Variants in CNTD1 observed in about 807,000 individuals in gnomAD.
The protein encoded by CNTD1 is cyclin N-terminal domain containing 1, also known as cyclin N-terminal domain-containing protein 1.
CNTD1 carries 17 observed loss-of-function variants against 36.3 expected under a neutral mutation model. The observed-to-expected ratio is 0.47, with a 90% CI of 0.32 to 0.70. CNTD1 has a LOEUF of 0.70. CNTD1 is among the 30% of genes least tolerant of loss of function. The pLI is 0.03. For missense variants in CNTD1, 338 were observed against 386.1 expected, an observed-to-expected ratio of 0.88 and a Z score of 1.04; for synonymous variants, 128 against 153.3, an observed-to-expected ratio of 0.83 and a Z score of 1.22.
chr17:42,808,552 TTAAAAAAAAAAA>T (rs2054921754), intron 6 of CNTD1, among the ~76,000 whole-genome samples: 1 of 128,232 alleles, frequency 7.8e-6, no homozygotes, highest in Non-Finnish European at 1.6e-5. Flanking sequence ...CCCCATCTCA[TTAAAAAAAAAAA>T]AAAAAAAAAA....
At chr17:42,801,284 A>T (rs575170169) in intron 1 of CNTD1, among the ~76,000 whole-genome samples, 1 of 149,118 alleles carries the variant, frequency 6.7e-6, no homozygotes, top group Non-Finnish European at 1.5e-5. Context: ...TTTGGGAAAG[A>T]TAATAATGGC....
At chr17:42,805,496 G>A in intron 3 of CNTD1, 1 of 348,806 alleles carries the variant, frequency 2.9e-6, no homozygotes. Flanking sequence ...AAGGAAGGGA[G>A]ATCCAGGTAT....
intron 2 of CNTD1, 57 bp downstream of exon 2, chr17:42,803,752 T>C: frequency 7.4e-7 from 1 of 1,345,314 alleles, no homozygotes; most frequent in Non-Finnish European, 1.1e-6. Flanking sequence ...CTAATGTACC[T>C]ACATCTTTAA....
rs2054721896 is a variant in CNTD1 at position 42,798,931 on chromosome 17, C to T, written c.-137C>T. 1.4e-6 allele frequency: 2 copies of T among 1,456,036 alleles called. No homozygotes were observed. Among genetic ancestry groups the T allele is most frequent in the African/African-American group, 2.9e-5 (2 of 69,978 alleles). 90.2% of individuals were successfully genotyped at this position (1,456,036 alleles called of 1,614,324 possible). A position where few individuals can be genotyped will look rare whatever the true frequency, so the allele number is the denominator to read the frequency against. The stretch of plus-strand genomic sequence containing the variant: ...GAGGCTGTGGTGGTAATTGGGTTTT[C>T]CTCAGACTTGAGGCGACGACACACT... On this transcript the variant is annotated 5_prime_UTR_variant, in exon 1 of 7. Transcript: ENST00000588408.
Position 42,810,553 on chromosome 17 carries a change from C to A in CNTD1, c.*1018C>A. 1 of 421,312 alleles carries A rather than the reference C, an allele frequency of 2.4e-6. No individual in the cohort carries two copies. Among genetic ancestry groups the A allele is most frequent in the African/African-American group, 2.0e-5 (1 of 48,844 alleles). The allele number at this position is 421,312 out of a possible 1,614,324, so 26.1% of individuals were successfully genotyped here. On this transcript the variant is annotated 3_prime_UTR_variant, in exon 7 of 7. Transcript: ENST00000588408. ...CATGGGGTTAAGAATCAAAACTGACCAGGGCTGGCAACTATAGATGGCATG... is the reference window on the plus strand; with the variant it reads ...CATGGGGTTAAGAATCAAAACTGACAAGGGCTGGCAACTATAGATGGCATG...
Position 42,810,828 on chromosome 17 carries a change from G to A in CNTD1, c.*1293G>A. The stretch of plus-strand genomic sequence containing the variant: ...TTAAGATTCGTCAGCATGAACTTGA[G>A]AGCTTTTGTCCACTGCTCCTCAGAG... On this transcript the variant is annotated 3_prime_UTR_variant, in exon 7 of 7. Coordinates refer to ENST00000588408, the MANE Select transcript of CNTD1 (RefSeq NM_173478.3). The A allele has an allele frequency of 6.2e-7, 1 of 1,613,518 alleles. No homozygotes were observed. Among genetic ancestry groups the A allele is most frequent in the Non-Finnish European group, 8.5e-7 (1 of 1,179,754 alleles).
rs1421536036 is a variant in CNTD1, at chr17:42,810,034, T to A, written c.*499T>A. 4 of 152,190 alleles carry A rather than the reference T, an allele frequency of 2.6e-5. No homozygotes were observed. The highest frequency in any genetic ancestry group is 7.3e-5 in the African/African-American group (3 of 41,250). The allele number at this position is 152,190 out of a possible 1,614,324, so 9.4% of individuals were successfully genotyped here. On this transcript the variant is annotated 3_prime_UTR_variant, in exon 7 of 7. Coordinates refer to ENST00000588408, the MANE Select transcript of CNTD1 (RefSeq NM_173478.3). ...AAAACTAAAACTAACTCTAAAGAAG[T>A]TTCAACAGAATTTCCACATACCTGC...
At chr17:42,799,375 G>C (rs1023413144) in intron 1 of CNTD1, 139 bp downstream of exon 1, 14 of 992,602 alleles carry the variant, frequency 1.4e-5, no homozygotes, top group Non-Finnish European at 2.0e-5. Context: ...TGGGGATATA[G>C]TGATGGATAA....
chr17:42,805,886 T>C lies in CNTD1; in HGVS notation c.580+2T>C. On this transcript the variant is annotated splice_donor_variant, in intron 4 of 6. Transcript: ENST00000588408. LOFTEE classifies it high-confidence loss of function. The stretch of plus-strand genomic sequence containing the variant: ...TGGAGACGCTCCTAGAGGTTTTAGG[T>C]ATCTTACTGTGTTAGGGAATATGGG... 1 of 1,608,298 alleles carries C rather than the reference T, an allele frequency of 6.2e-7. No homozygotes were observed. Among genetic ancestry groups the C allele is most frequent in the Non-Finnish European group, 8.5e-7 (1 of 1,177,532 alleles).
chr17:42,810,641 T>C lies in CNTD1; in HGVS notation c.*1106T>C. 1 of 1,119,658 alleles carries C rather than the reference T, an allele frequency of 8.9e-7. No homozygotes were observed. Among genetic ancestry groups the C allele is most frequent in the Non-Finnish European group, 1.2e-6 (1 of 820,472 alleles). 69.4% of individuals were successfully genotyped at this position (1,119,658 alleles called of 1,614,324 possible). On this transcript the variant is annotated 3_prime_UTR_variant, in exon 7 of 7. Coordinates refer to ENST00000588408, the MANE Select transcript of CNTD1 (RefSeq NM_173478.3). ...AAATAAAGTGGCTTTTGTGGATTTT[T>C]TCTTTTTTGGTATTGTAAACATGTA...
intron 1 of CNTD1, among the ~76,000 whole-genome samples, chr17:42,799,752 CAAAAAAAAAAAAAAAAAA>C (rs780393099): frequency 1.9e-4 from 2 of 10,592 alleles, no homozygotes; most frequent in South Asian, 4.5e-3. Flanking sequence ...AACTCCGTCT[CAAAAAAAAAAAAAAAAAA>C]AAAAAAAAAA....
chr17:42,801,006 G>T (rs564315995), intron 1 of CNTD1, among the ~76,000 whole-genome samples: 1 of 152,206 alleles, frequency 6.6e-6, no homozygotes, highest in South Asian at 2.1e-4. Flanking sequence ...CCAACATAGT[G>T]AAACCCTGTC....
chr17:42,810,478 G>C lies in CNTD1; in HGVS notation c.*943G>C, dbSNP rs1311515474. 6 of 229,970 alleles carry C rather than the reference G, an allele frequency of 2.6e-5. No homozygotes were observed. The highest frequency in any genetic ancestry group is 5.0e-5 in the Non-Finnish European group (6 of 119,810). 14.2% of individuals were successfully genotyped at this position (229,970 alleles called of 1,614,324 possible). ...CTCAATTCAACTCAGTTAAAAAAAA[G>C]AAAAGCAAATTTAAATTAGTTTTTT... On this transcript the variant is annotated 3_prime_UTR_variant, in exon 7 of 7. Coordinates refer to ENST00000588408, the MANE Select transcript of CNTD1 (RefSeq NM_173478.3).
chr17:42,805,613 A>G (rs1401003027), intron 3 of CNTD1, 109 bp from the exon 4 acceptor site: 2 of 970,114 alleles, frequency 2.1e-6, no homozygotes, highest in African/African-American at 1.7e-5. Flanking sequence ...ACCAAGAGAC[A>G]AGACTGAAGA....
At chr17:42,799,358 G>A in intron 1 of CNTD1, 122 bp downstream of exon 1, 1 of 1,106,316 alleles carries the variant, frequency 9.0e-7, no homozygotes, top group Non-Finnish European at 1.3e-6. Context: ...ACCTCTCTGT[G>A]GGGTGCTGGG....
rs767523581 is a variant in CNTD1 at position 42,799,088 on chromosome 17, A to C, written c.21A>C (p.Pro7=). 1 of 1,614,038 alleles carries C rather than the reference A, an allele frequency of 6.2e-7. No individual in the cohort carries two copies. The highest frequency in any genetic ancestry group is 8.5e-7 in the Non-Finnish European group (1 of 1,180,020). ...TGAATATGGACGGACCCATGAGGCC[A>C]CGATCGGCCTCCCTCGTTGACTTTC... MDGPMR[P]RSASLVDFQF... The change falls in exon 1 of 7, where the codon CCA becomes CCC. Residue 7 remains proline, a synonymous_variant. Coordinates refer to ENST00000588408, the MANE Select transcript of CNTD1 (RefSeq NM_173478.3).
rs2054830800 is a variant in CNTD1 at position 42,803,680 on chromosome 17, T to C, written c.230T>C (p.Val77Ala). The C allele has an allele frequency of 1.2e-6, 2 of 1,613,768 alleles. No homozygotes were observed. Among genetic ancestry groups the C allele is most frequent in the Non-Finnish European group, 1.7e-6 (2 of 1,179,798 alleles). Residue 77 changes from valine to alanine, a missense_variant, in exon 2 of 7, where the codon GTA (valine) becomes GCA (alanine). By Grantham distance (64) the Val-to-Ala change is moderately conservative. Transcript: ENST00000588408. ...CLEKSVSYQAVEILERFMVKQ... is the reference protein window; with the variant it reads ...CLEKSVSYQAAEILERFMVKQ... ...GAGAAATCTGTGAGCTACCAGGCTG[T>C]AGAAATCCTAGAAAGGTAAAGCCCT... is the stretch of plus-strand genomic sequence containing the variant.
intron 2 of CNTD1, 149 bp from the exon 3 acceptor site, chr17:42,804,076 T>A: frequency 1.6e-6 from 1 of 644,078 alleles, no homozygotes; most frequent in Non-Finnish European, 2.6e-6. Context: ...TGGGCTCAAG[T>A]CATCTGCCTG....
Position 42,811,040 on chromosome 17 carries a change from T to G in CNTD1, c.*1505T>G. The G allele has an allele frequency of 8.8e-7, 1 of 1,139,906 alleles. No individual in the cohort carries two copies. The highest frequency in any genetic ancestry group is 1.2e-6 in the Non-Finnish European group (1 of 834,196). The allele number at this position is 1,139,906 out of a possible 1,614,324, so 70.6% of individuals were successfully genotyped here. A position where few individuals can be genotyped will look rare whatever the true frequency, so the allele number is the denominator to read the frequency against. ...CGTCATTTTATCTATTAAAGAACAC[T>G]TGGTGAGGAATGATAGTGTATTTTG... On this transcript the variant is annotated 3_prime_UTR_variant, in exon 7 of 7. Transcript: ENST00000588408.
Sources: gnomAD v4.1 joint callset for allele counts (sites outside exome capture counted in the v4.1 genomes callset) on GRCh38, gnomAD v4.1.1 for gene constraint, MANE v1.5 for transcripts, NCBI Gene and HGNC (gene_info 2026-07-23, HGNC 2026-07-21) for gene names.